Variants in CELF1 observed in about 807,000 individuals in gnomAD.
The protein encoded by CELF1 is 50 kDa nuclear polyadenylated RNA-binding protein.
In CELF1, 10 loss-of-function variants were observed where a neutral mutation model predicts 61.8. The ratio of observed to expected loss-of-function variants is 0.16; its 90% CI spans 0.10 to 0.27. The LOEUF is 0.27. Ranked by LOEUF, CELF1 falls within the 10% of genes least tolerant of loss-of-function variation. The pLI, the probability that CELF1 is intolerant of heterozygous loss-of-function variation, is 1.00. For missense variants in CELF1, 380 were observed against 639.1 expected, an observed-to-expected ratio of 0.59 and a Z score of 4.37; for synonymous variants, 236 against 225.1, an observed-to-expected ratio of 1.05 and a Z score of -0.43.
At chr11:47,526,046 C>A (rs773367327) in intron 1 of CELF1, among the ~76,000 whole-genome samples, 3 of 152,054 alleles carry the variant, frequency 2.0e-5, no homozygotes, top group African/African-American at 7.2e-5. Flanking sequence ...AGGGCACCTG[C>A]GCACCAGGAG....
At chr11:47,538,017 A>G (rs540133637) in intron 1 of CELF1, among the ~76,000 whole-genome samples, 126 of 151,338 alleles carry the variant, frequency 8.3e-4, no homozygotes, top group African/African-American at 2.8e-3. Context: ...GGGCTCAAGG[A>G]GTTGAGTCCT....
In CELF1 at chr11:47,465,948, C is replaced by T. The variant is rs1160672123; in HGVS notation, c.*6282G>A. 1.3e-5 allele frequency: 2 copies of T among 152,108 alleles called. No homozygotes were observed. Among genetic ancestry groups the T allele is most frequent in the Non-Finnish European group, 2.9e-5 (2 of 68,020 alleles). 9.4% of individuals were successfully genotyped at this position (152,108 alleles called of 1,614,324 possible). ...TCTGAAGACATCAGTTCTTCTCAAA[C>T]AGTTTAATAGCAAATAAACAAAGGA... is the stretch of plus-strand genomic sequence containing the variant. On this transcript the variant is annotated 3_prime_UTR_variant, in exon 15 of 15. Transcript: ENST00000687097.
intron 1 of CELF1, chr11:47,506,978 GA>G (rs2153580753): frequency 6.6e-6 from 1 of 152,250 alleles, no homozygotes; most frequent in South Asian, 2.1e-4. Context: ...TCTTTCCAAA[GA>G]AAAGCCCCTC....
intron 3 of CELF1, chr11:47,495,962 G>A: frequency 1.0e-6 from 1 of 984,850 alleles, no homozygotes; most frequent in Non-Finnish European, 1.2e-6. Flanking sequence ...CACCTCCCCA[G>A]CAGGCAAAAA....
At chr11:47,497,282 G>A (rs1447315510) in intron 3 of CELF1, among the ~76,000 whole-genome samples, 2 of 152,162 alleles carry the variant, frequency 1.3e-5, no homozygotes, top group Non-Finnish European at 2.9e-5. Context: ...AGCAATGGGA[G>A]AATGAAAAGA....
At chr11:47,476,618 G>A (rs989999556) in intron 12 of CELF1, among the ~76,000 whole-genome samples, 1 of 152,108 alleles carries the variant, frequency 6.6e-6, no homozygotes, top group African/African-American at 2.4e-5. Flanking sequence ...AGGGGAGACG[G>A]GGTTTCACCG....
intron 1 of CELF1, among the ~76,000 whole-genome samples, chr11:47,528,549 T>C (rs920443686): frequency 2.0e-5 from 3 of 151,894 alleles, no homozygotes; most frequent in African/African-American, 7.3e-5. Flanking sequence ...AGGCCAGGAG[T>C]TTGAGGCTGC....
intron 2 of CELF1, among the ~76,000 whole-genome samples, chr11:47,562,712 G>T (rs371539462): frequency 0.016 from 2,285 of 145,810 alleles, 41 homozygotes; most frequent in African/African-American, 0.047. Flanking sequence ...GTTTTGTTTT[G>T]TTTTTTTTTT....
chr11:47,503,268 A>G (rs1051340123), intron 1 of CELF1, among the ~76,000 whole-genome samples: 1 of 152,226 alleles, frequency 6.6e-6, no homozygotes, highest in Admixed American at 6.5e-5. Flanking sequence ...AAAGGCTAGC[A>G]ATCACAGTAT....
chr11:47,551,342 C>T (rs191787034), intron 1 of CELF1, among the ~76,000 whole-genome samples: 4 of 152,338 alleles, frequency 2.6e-5, no homozygotes, highest in Non-Finnish European at 5.9e-5. Context: ...CATAACCTTC[C>T]TGGTTAAAGC....
chr11:47,555,606 T>C (rs968900781), upstream of CELF1, among the ~76,000 whole-genome samples: 1 of 152,202 alleles, frequency 6.6e-6, no homozygotes, highest in African/African-American at 2.4e-5. Flanking sequence ...GACAAAATGC[T>C]AAACAGTCCA....
intron 1 of CELF1, among the ~76,000 whole-genome samples, chr11:47,509,856 A>C (rs1435093722): frequency 3.3e-5 from 5 of 149,350 alleles, no homozygotes; most frequent in Non-Finnish European, 5.9e-5. Flanking sequence ...GTGAAACCCT[A>C]TCTCTACTAA....
intron 3 of CELF1, among the ~76,000 whole-genome samples, chr11:47,491,526 T>C (rs574615477): frequency 6.6e-6 from 1 of 152,336 alleles, no homozygotes; most frequent in African/African-American, 2.4e-5. Flanking sequence ...TCTAGCACTA[T>C]CTAAATTCAA....
At chr11:47,562,820 T>A (rs2097230675) in intron 2 of CELF1, among the ~76,000 whole-genome samples, 1 of 152,048 alleles carries the variant, frequency 6.6e-6, no homozygotes, top group Non-Finnish European at 1.5e-5. Context: ...TTCTCCTGCC[T>A]CAGCCTCCCA....
intron 1 of CELF1, among the ~76,000 whole-genome samples, chr11:47,510,735 C>T (rs1028059828): frequency 1.3e-5 from 2 of 152,186 alleles, no homozygotes; most frequent in Non-Finnish European, 1.5e-5. Context: ...GATCCACCCC[C>T]TCTTGGCCTC....
chr11:47,510,465 C>T (rs2095035911), intron 1 of CELF1, among the ~76,000 whole-genome samples: 1 of 152,120 alleles, frequency 6.6e-6, no homozygotes, highest in African/African-American at 2.4e-5. Flanking sequence ...GTCCTAAACC[C>T]ATGAACTTGG....
intron 1 of CELF1, among the ~76,000 whole-genome samples, chr11:47,550,005 T>TG (rs1368799562): frequency 2.6e-4 from 40 of 151,850 alleles, no homozygotes; most frequent in Non-Finnish European, 5.9e-5. Context: ...TTAGTGGAGA[T>TG]GGGGTTTGAC....
chr11:47,552,548 G>A (rs1181085614), intron 1 of CELF1, among the ~76,000 whole-genome samples: 1 of 152,182 alleles, frequency 6.6e-6, no homozygotes, highest in African/African-American at 2.4e-5. Flanking sequence ...CGGACCCTTC[G>A]GCACCCACAG....
chr11:47,511,823 G>C (rs189889232), intron 1 of CELF1, among the ~76,000 whole-genome samples: 30 of 152,242 alleles, frequency 2.0e-4, no homozygotes, highest in Admixed American at 1.7e-3. Flanking sequence ...CAGAAAGTCT[G>C]TTTAAATGCT....
Sources: allele counts gnomAD v4.1 joint callset (sites outside exome capture counted in the v4.1 genomes callset), GRCh38; gene constraint gnomAD v4.1.1; transcripts MANE v1.5; gene names NCBI Gene and HGNC (gene_info 2026-07-23, HGNC 2026-07-21).